The following STXBP5L variants were observed in gnomAD, a reference collection of about 807,000 sequenced individuals.
STXBP5L encodes the protein syntaxin binding protein 5L.
Under a neutral mutation model 144.5 loss-of-function variants are expected in STXBP5L, and 65 were observed. The ratio of observed to expected loss-of-function variants is 0.45; its 90% confidence interval spans 0.37 to 0.55. STXBP5L has a LOEUF of 0.55. Among genes scored for constraint, STXBP5L ranks in the 20% least tolerant of loss-of-function variants. STXBP5L has a pLI of 0.00. For synonymous variants in STXBP5L, 505 were observed against 469.6 expected, an observed-to-expected ratio of 1.08 and a Z score of -0.97; for missense variants, 1,298 against 1,405.5, an observed-to-expected ratio of 0.92 and a Z score of 1.22.
At chr3:121,241,805 CA>C (rs2049681061) in intron 14 of STXBP5L, among the ~76,000 whole-genome samples, 1 of 152,096 alleles carries the variant, frequency 6.6e-6, no homozygotes, top group South Asian at 2.1e-4. Context: ...AGAAGCTGAG[CA>C]AACCCCAATA....
At chr3:121,038,182 T>C (rs73187430) in intron 3 of STXBP5L, among the ~76,000 whole-genome samples, 5,401 of 152,022 alleles carry the variant, frequency 0.036, 147 homozygotes, top group Middle Eastern at 0.082. Context: ...TTTTTTCTGG[T>C]TTTGAAATTA....
In STXBP5L at chr3:121,020,850, G is replaced by GAAAA. The variant is rs60522434; in HGVS notation, c.288-20842_288-20839dup. 1.4e-3 allele frequency among the ~76,000 whole-genome samples: 196 copies of GAAAA among 143,216 alleles called. 2 individuals carry two copies. Among genetic ancestry groups the GAAAA allele is most frequent in the African/African-American group, 4.8e-3 (191 of 39,440 alleles). The allele number at this position is 143,216 out of a possible 152,430, so 94.0% of individuals were successfully genotyped here. On this transcript the variant is annotated intron_variant, in intron 3 of 26. Coordinates refer to ENST00000471454, the MANE Select transcript of STXBP5L (RefSeq NM_001308330.2). Reference sequence around the variant, plus strand: ...CACAGTACCTATAAAACAATACAATGAAAAAAAAAAACCCAACAAAGTATT... The same window carrying GAAAA: ...CACAGTACCTATAAAACAATACAATGAAAAAAAAAAAAAAACCCAACAAAGTATT...
At chr3:121,406,451 T>C (rs1353298825) in intron 22 of STXBP5L, among the ~76,000 whole-genome samples, 4 of 152,080 alleles carry the variant, frequency 2.6e-5, no homozygotes, top group African/African-American at 7.2e-5. Flanking sequence ...GCTAATAGGG[T>C]ACTGCTTAGG....
intron 20 of STXBP5L, among the ~76,000 whole-genome samples, chr3:121,335,440 A>G (rs1336813714): frequency 6.6e-6 from 1 of 152,146 alleles, no homozygotes; most frequent in Non-Finnish European, 1.5e-5. Context: ...ACAGAACTAG[A>G]AAAAAACTAT....
At chr3:121,187,112 C>A (rs2047416492) in intron 9 of STXBP5L, among the ~76,000 whole-genome samples, 1 of 152,080 alleles carries the variant, frequency 6.6e-6, no homozygotes, top group African/African-American at 2.4e-5. Context: ...GACACATGCA[C>A]ACGTATGTTT....
intron 5 of STXBP5L, among the ~76,000 whole-genome samples, chr3:121,101,063 G>A (rs1405905929): frequency 2.0e-5 from 3 of 151,970 alleles, no homozygotes; most frequent in African/African-American, 7.2e-5. Context: ...ACCCTGAACA[G>A]ACCAATATCA....
intron 3 of STXBP5L, among the ~76,000 whole-genome samples, chr3:120,993,348 C>T (rs141811391): frequency 2.5e-4 from 38 of 152,052 alleles, no homozygotes; most frequent in Non-Finnish European, 4.6e-4. Context: ...GTTTTTGTTG[C>T]GTATGCTTTT....
At chr3:121,361,187 T>C (rs1476400287) in intron 20 of STXBP5L, among the ~76,000 whole-genome samples, 1 of 152,220 alleles carries the variant, frequency 6.6e-6, no homozygotes, top group Non-Finnish European at 1.5e-5. Context: ...GTATGTTATT[T>C]GTTTCTTTTC....
rs150040567 is a variant in STXBP5L at position 121,024,105 on chromosome 3, G to A, written c.288-17595G>A. On this transcript the variant is annotated intron_variant, in intron 3 of 26. Transcript: ENST00000471454. ...AAATGAAAAATAAAAATTGCCCTGC[G>A]AAAGACACTCTTAAAGGAATCAAAA... Among the ~76,000 whole-genome samples, 692 of 152,132 alleles carry A rather than the reference G, an allele frequency of 4.5e-3. 4 individuals are homozygous for A. The highest frequency in any genetic ancestry group is 0.016 in the African/African-American group (657 of 41,498).
At chr3:121,084,586 T>C (rs1338509313) in intron 5 of STXBP5L, among the ~76,000 whole-genome samples, 8 of 152,230 alleles carry the variant, frequency 5.3e-5, no homozygotes, top group Admixed American at 5.2e-4. Context: ...ATGTAACATA[T>C]TTTCTTTATT....
chr3:121,029,561 C>A (rs1335479721), intron 3 of STXBP5L, among the ~76,000 whole-genome samples: 1 of 152,060 alleles, frequency 6.6e-6, no homozygotes, highest in Non-Finnish European at 1.5e-5. Context: ...AACGTAAGAC[C>A]TAAAACCATG....
rs187073604 is a variant in STXBP5L, at chr3:121,194,997, C to T, written c.878-10926C>T. 9.5e-3 allele frequency among the ~76,000 whole-genome samples: 1,389 copies of T among 145,614 alleles called. 10 individuals carry two copies. The highest frequency in any genetic ancestry group is 0.015 in the Middle Eastern group (4 of 264). ...GTGGCGAGATCTTGGCTCACTGCAA[C>T]CTCCGCCTCCTACGTTCAAGTGATT... On this transcript the variant is annotated intron_variant, in intron 9 of 26. Coordinates refer to ENST00000471454, the MANE Select transcript of STXBP5L (RefSeq NM_001308330.2).
intron 11 of STXBP5L, among the ~76,000 whole-genome samples, chr3:121,231,228 C>T (rs748980666): frequency 1.3e-4 from 20 of 152,180 alleles, no homozygotes; most frequent in Non-Finnish European, 2.5e-4. Context: ...TCCTAGCATG[C>T]TCCATCTTGT....
At chr3:121,266,380 G>T (rs2050567517) in intron 18 of STXBP5L, among the ~76,000 whole-genome samples, 2 of 152,012 alleles carry the variant, frequency 1.3e-5, no homozygotes, top group Admixed American at 6.6e-5. Flanking sequence ...ACAACCACTT[G>T]ATTATCTCAA....
At chr3:121,341,430 A>G (rs1187586128) in intron 20 of STXBP5L, among the ~76,000 whole-genome samples, 1 of 152,180 alleles carries the variant, frequency 6.6e-6, no homozygotes, top group African/African-American at 2.4e-5. Flanking sequence ...AATGTAAATT[A>G]GTACAGCCAC....
intron 20 of STXBP5L, among the ~76,000 whole-genome samples, chr3:121,337,392 T>C (rs1576209108): frequency 7.3e-6 from 1 of 136,412 alleles, no homozygotes; most frequent in Admixed American, 7.8e-5. Context: ...GCAGCAGGAG[T>C]AGTTATTCTC....
At chr3:121,042,306 T>A (rs189701043) in intron 4 of STXBP5L, among the ~76,000 whole-genome samples, 1 of 152,190 alleles carries the variant, frequency 6.6e-6, no homozygotes, top group South Asian at 2.1e-4. Context: ...TACATTTTTA[T>A]AAAATTATGG....
At chr3:121,076,810 T>C (rs906517279) in intron 5 of STXBP5L, among the ~76,000 whole-genome samples, 4 of 152,162 alleles carry the variant, frequency 2.6e-5, no homozygotes, top group Admixed American at 1.3e-4. Context: ...ATGCTTTTCC[T>C]CCCATTTCCT....
chr3:121,243,179 T>C (rs1045549870), intron 14 of STXBP5L, among the ~76,000 whole-genome samples: 1 of 152,214 alleles, frequency 6.6e-6, no homozygotes, highest in Non-Finnish European at 1.5e-5. Flanking sequence ...CTAGTTTCTG[T>C]GTCATCTGAT....
Sources: gnomAD v4.1 joint callset for allele counts (sites outside exome capture counted in the v4.1 genomes callset) on GRCh38, gnomAD v4.1.1 for gene constraint, MANE v1.5 for transcripts, NCBI Gene and HGNC (gene_info 2026-07-23, HGNC 2026-07-21) for gene names.